RERE: variants seen among roughly 807,000 people sequenced by gnomAD.
RERE encodes the protein arginine-glutamic acid dipeptide repeats, also known as arginine-glutamic acid dipeptide repeats protein.
A neutral mutation model predicts 146.1 loss-of-function variants in RERE; 40 were observed. The ratio of observed to expected loss-of-function variants is 0.27; its 90% CI spans 0.21 to 0.36. The LOEUF is 0.36. RERE is among the 10% of genes least tolerant of loss of function. The probability of loss-of-function intolerance (pLI) is 1.00; values close to 1 mark genes in which losing one functional copy is unlikely to be tolerated. For missense variants in RERE, 1,933 were observed against 2,138.7 expected (o/e 0.90, Z 1.90); for synonymous variants, 1,003 against 866.0 (o/e 1.16, Z -2.78).
At chr1:8,516,096 G>T (rs1208400341) in intron 7 of RERE, among the ~76,000 whole-genome samples, 1 of 151,476 alleles carries the variant, frequency 6.6e-6, no homozygotes, top group Non-Finnish European at 1.5e-5. Context: ...GCAGTAGTGG[G>T]CACCTATAAT....
At chr1:8,525,174 T>C (rs930573302) in intron 7 of RERE, among the ~76,000 whole-genome samples, 27 of 152,208 alleles carry the variant, frequency 1.8e-4, no homozygotes, top group Admixed American at 1.5e-3. Context: ...AAAATCAATT[T>C]TAAGGTGTTA....
Position 8,358,930 on chromosome 1 carries a change from AG to A in RERE, c.3619-15del. ...GCTGGACGCCTTCTGCAGAAGGAAA[AG>A]AAAGCGTGAGGGGTCCCCCGAGCGC... On this transcript the variant is annotated splice_polypyrimidine_tract_variant and intron_variant, in intron 19 of 22. Coordinates refer to ENST00000400908, the MANE Select transcript of RERE (RefSeq NM_001042681.2). 6.6e-7 allele frequency: 1 copy of A among 1,510,430 alleles called. No homozygotes were observed. 93.6% of individuals were successfully genotyped at this position (1,510,430 alleles called of 1,614,324 possible).
intron 11 of RERE, 126 bp downstream of exon 11, chr1:8,465,799 G>C: frequency 1.3e-6 from 1 of 766,762 alleles, no homozygotes; most frequent in Non-Finnish European, 2.3e-6. Flanking sequence ...CCTGCCTGGC[G>C]CTGCCACGGA....
At chr1:8,636,698 T>C (rs1647105834) in intron 2 of RERE, among the ~76,000 whole-genome samples, 2 of 152,160 alleles carry the variant, frequency 1.3e-5, no homozygotes, top group Admixed American at 1.3e-4. Context: ...AGCCATAAAA[T>C]ATAAGCAGAC....
intron 7 of RERE, among the ~76,000 whole-genome samples, chr1:8,528,872 GT>G (rs1353948854): frequency 6.6e-6 from 1 of 152,100 alleles, no homozygotes; most frequent in Non-Finnish European, 1.5e-5. Flanking sequence ...CTCATAAAGT[GT>G]ATATTTCTAA....
intron 7 of RERE, among the ~76,000 whole-genome samples, chr1:8,518,084 T>C (rs886242018): frequency 1.3e-5 from 2 of 152,172 alleles, no homozygotes; most frequent in Admixed American, 1.3e-4. Flanking sequence ...AGGAAGGCAA[T>C]GTTCTGTGAA....
chr1:8,583,635 G>C (rs1263034071), intron 4 of RERE, among the ~76,000 whole-genome samples: 1 of 151,466 alleles, frequency 6.6e-6, no homozygotes, highest in Middle Eastern at 3.2e-3. Flanking sequence ...CCAAGGCAGG[G>C]GAGAAACTAC....
intron 8 of RERE, among the ~76,000 whole-genome samples, chr1:8,499,473 C>G (rs1033885834): frequency 6.6e-6 from 1 of 152,152 alleles, no homozygotes; most frequent in Non-Finnish European, 1.5e-5. Flanking sequence ...ACCGCCCCAT[C>G]CAGGGAATGC....
At chr1:8,796,170 C>G (rs916155394) in intron 1 of RERE, among the ~76,000 whole-genome samples, 11 of 152,016 alleles carry the variant, frequency 7.2e-5, no homozygotes, top group Non-Finnish European at 1.3e-4. Context: ...CATCTTGATT[C>G]AAATGGGCAC....
intron 4 of RERE, among the ~76,000 whole-genome samples, chr1:8,558,420 T>C (rs1646032417): frequency 6.6e-6 from 1 of 152,162 alleles, no homozygotes. Context: ...CTAAAATACT[T>C]TTCCAACCCA....
At chr1:8,469,846 T>C (rs1348684773) in intron 10 of RERE, among the ~76,000 whole-genome samples, 2 of 152,186 alleles carry the variant, frequency 1.3e-5, no homozygotes, top group Non-Finnish European at 2.9e-5. Context: ...CATCTCGTTG[T>C]GGTTGTTCCG....
At chr1:8,561,074 A>G (rs1271487209) in intron 4 of RERE, among the ~76,000 whole-genome samples, 1 of 152,236 alleles carries the variant, frequency 6.6e-6, no homozygotes, top group East Asian at 1.9e-4. Context: ...CTGAAGTACA[A>G]TATCTATGTT....
chr1:8,439,761 T>A (rs1467221513), intron 11 of RERE, among the ~76,000 whole-genome samples: 1 of 152,200 alleles, frequency 6.6e-6, no homozygotes, highest in African/African-American at 2.4e-5. Flanking sequence ...TCTGAGAGTC[T>A]AATGCAACAT....
intron 4 of RERE, among the ~76,000 whole-genome samples, chr1:8,574,601 T>C (rs1441612062): frequency 7.0e-4 from 107 of 152,198 alleles, no homozygotes; most frequent in Non-Finnish European, 2.9e-5. Context: ...CCTGCAATAT[T>C]ATATAGAAAT....
chr1:8,432,175 A>C (rs114870633), intron 11 of RERE, among the ~76,000 whole-genome samples: 95 of 152,298 alleles, frequency 6.2e-4, no homozygotes, highest in African/African-American at 2.1e-3. Context: ...TCGGTCTGCT[A>C]GTTAGTTAAC....
intron 1 of RERE, among the ~76,000 whole-genome samples, chr1:8,796,375 C>A (rs1293028146): frequency 6.6e-6 from 1 of 152,140 alleles, no homozygotes; most frequent in East Asian, 1.9e-4. Flanking sequence ...CAGTCAGCAT[C>A]ATCTTCAATC....
chr1:8,699,408 T>TG (rs1397647658), intron 1 of RERE, among the ~76,000 whole-genome samples: 1 of 152,214 alleles, frequency 6.6e-6, no homozygotes, highest in Non-Finnish European at 1.5e-5. Context: ...CATTAAAAAT[T>TG]GAGTAAAATT....
intron 1 of RERE, among the ~76,000 whole-genome samples, chr1:8,795,989 AAAAAAAAAACAAAAC>A (rs1557548039): frequency 1.3e-5 from 2 of 150,674 alleles, no homozygotes; most frequent in Non-Finnish European, 3.0e-5. Flanking sequence ...TCTCAAAAAA[AAAAAAAAAACAAAAC>A]AAAACAGGAA....
At chr1:8,699,144 T>C (rs1006166033) in intron 1 of RERE, among the ~76,000 whole-genome samples, 2 of 152,218 alleles carry the variant, frequency 1.3e-5, no homozygotes, top group Non-Finnish European at 2.9e-5. Context: ...ACCTAGTACA[T>C]AATTAGTGCT....
Sources: gnomAD v4.1 joint callset for allele counts (sites outside exome capture counted in the v4.1 genomes callset) on GRCh38, gnomAD v4.1.1 for gene constraint, MANE v1.5 for transcripts, NCBI Gene and HGNC (gene_info 2026-07-23, HGNC 2026-07-21) for gene names.